Variants in BTBD9 observed in about 807,000 individuals in gnomAD.
BTBD9 encodes the protein BTB domain containing 9.
Under a neutral mutation model 64.3 loss-of-function variants are expected in BTBD9, and 49 were observed. That is an observed-to-expected ratio of 0.76 (90% confidence interval 0.61 to 0.97). BTBD9 has a LOEUF of 0.97. BTBD9 is among the 50% of genes least tolerant of loss of function. The probability of loss-of-function intolerance (pLI) is 0.00; values close to 1 mark genes in which losing one functional copy is unlikely to be tolerated. For missense variants in BTBD9, 598 were observed against 762.1 expected, an observed-to-expected ratio of 0.78 and a Z score of 2.53; for synonymous variants, 260 against 274.7, an observed-to-expected ratio of 0.95 and a Z score of 0.53.
intron 6 of BTBD9, among the ~76,000 whole-genome samples, chr6:38,490,057 A>G (rs1350163139): frequency 1.3e-5 from 2 of 152,182 alleles, no homozygotes; most frequent in Non-Finnish European, 1.5e-5. Context: ...CTAATGACCT[A>G]TTAGTTTCTA....
chr6:38,297,910 G>A (rs1021769498), intron 7 of BTBD9, among the ~76,000 whole-genome samples: 5 of 148,722 alleles, frequency 3.4e-5, no homozygotes, highest in Admixed American at 1.4e-4. Context: ...GTGCTATCTC[G>A]GCTCACTGCA....
At chr6:38,360,842 A>G (rs1485239758) in intron 6 of BTBD9, among the ~76,000 whole-genome samples, 2 of 152,152 alleles carry the variant, frequency 1.3e-5, no homozygotes, top group Admixed American at 1.3e-4. Context: ...CTAGAGGGAG[A>G]CTGTAGAGTC....
intron 6 of BTBD9, among the ~76,000 whole-genome samples, chr6:38,461,073 C>G (rs976823624): frequency 6.6e-6 from 1 of 152,204 alleles, no homozygotes; most frequent in African/African-American, 2.4e-5. Context: ...CTCTGTTTAC[C>G]CTCTTGGGGT....
intron 6 of BTBD9, among the ~76,000 whole-genome samples, chr6:38,352,529 A>T (rs1052960680): frequency 2.6e-5 from 4 of 152,250 alleles, no homozygotes; most frequent in Non-Finnish European, 5.9e-5. Context: ...GAATTGACAG[A>T]ACTGAATCAA....
chr6:38,275,012 G>A (rs1765330919), intron 8 of BTBD9, among the ~76,000 whole-genome samples: 2 of 152,012 alleles, frequency 1.3e-5, no homozygotes, highest in Non-Finnish European at 2.9e-5. Flanking sequence ...AAGTTCATAT[G>A]GAACCAAAAA....
intron 1 of BTBD9, among the ~76,000 whole-genome samples, chr6:38,627,520 C>A (rs1345934045): frequency 6.6e-6 from 1 of 152,120 alleles, no homozygotes; most frequent in Admixed American, 6.5e-5. Flanking sequence ...AGAATGGACA[C>A]TCCATTAAGG....
At chr6:38,219,546 A>G (rs1312742361) in intron 9 of BTBD9, among the ~76,000 whole-genome samples, 2 of 152,080 alleles carry the variant, frequency 1.3e-5, no homozygotes, top group Non-Finnish European at 2.9e-5. Flanking sequence ...AAACTGTTCC[A>G]TTACGTCATA....
At chr6:38,328,636 A>T (rs554609320) in intron 7 of BTBD9, among the ~76,000 whole-genome samples, 1 of 145,516 alleles carries the variant, frequency 6.9e-6, no homozygotes, top group South Asian at 2.3e-4. Flanking sequence ...TAGCAAATTC[A>T]TACATGCAAT....
chr6:38,207,180 T>C (rs1459989708), intron 9 of BTBD9: 1 of 175,920 alleles, frequency 5.7e-6, no homozygotes, highest in East Asian at 1.7e-4. Context: ...ATCCTTATAA[T>C]GAAGGACTAT....
intron 9 of BTBD9, among the ~76,000 whole-genome samples, chr6:38,205,986 G>A (rs189146037): frequency 4.8e-4 from 73 of 151,506 alleles, no homozygotes; most frequent in African/African-American, 1.7e-3. Context: ...TGGGATGGGA[G>A]ATCCCAGGAT....
At chr6:38,443,083 T>C (rs1769113910) in intron 6 of BTBD9, among the ~76,000 whole-genome samples, 1 of 152,220 alleles carries the variant, frequency 6.6e-6, no homozygotes, top group Non-Finnish European at 1.5e-5. Context: ...AAGTATTGAC[T>C]TGGCAGGCAA....
At chr6:38,303,874 T>TATATACATAC (rs368257334) in intron 7 of BTBD9, among the ~76,000 whole-genome samples, 2 of 82,650 alleles carry the variant, frequency 2.4e-5, no homozygotes, top group Non-Finnish European at 4.7e-5. Context: ...TATATATATA[T>TATATACATAC]ACACACACAC....
At position 38,448,800 on chromosome 6, in the gene BTBD9, G is replaced by A. The variant is rs1448633207; in HGVS notation, c.1155-103707C>T. 2.6e-5 allele frequency among the ~76,000 whole-genome samples: 4 copies of A among 152,158 alleles called. No homozygotes were observed. The East Asian group carries it at 7.7e-4, about 29-fold the overall frequency. On this transcript the variant is annotated intron_variant, in intron 6 of 10. Transcript: ENST00000481247. ...CCCAAAGTGCTGGGATTACAGGCATGAGCCACCGCACCCGGCCCCTTGCTG... is the reference window on the plus strand; with the variant it reads ...CCCAAAGTGCTGGGATTACAGGCATAAGCCACCGCACCCGGCCCCTTGCTG...
intron 7 of BTBD9, among the ~76,000 whole-genome samples, chr6:38,336,252 T>C (rs1301220184): frequency 6.6e-6 from 1 of 152,170 alleles, no homozygotes; most frequent in East Asian, 1.9e-4. Flanking sequence ...CTGACCATTT[T>C]GTGTGAATCT....
chr6:38,374,312 T>TATATATAC (rs1765585634), intron 6 of BTBD9, among the ~76,000 whole-genome samples: 2 of 117,236 alleles, frequency 1.7e-5, no homozygotes, highest in African/African-American at 3.5e-5. Context: ...TATATGTATA[T>TATATATAC]ATATATATAT....
At chr6:38,329,825 C>T (rs1398878477) in intron 7 of BTBD9, among the ~76,000 whole-genome samples, 3 of 151,858 alleles carry the variant, frequency 2.0e-5, no homozygotes, top group Non-Finnish European at 2.9e-5. Context: ...TGATGGCGGG[C>T]GCCTGTAATC....
chr6:38,502,328 AT>A (rs1238533118), intron 6 of BTBD9, among the ~76,000 whole-genome samples: 4 of 152,166 alleles, frequency 2.6e-5, no homozygotes, highest in East Asian at 1.9e-4. Context: ...ATATGAGTAC[AT>A]TTTTTTTCCA....
At chr6:38,538,962 G>T (rs1774147732) in intron 6 of BTBD9, among the ~76,000 whole-genome samples, 2 of 151,972 alleles carry the variant, frequency 1.3e-5, no homozygotes, top group South Asian at 2.1e-4. Flanking sequence ...TTTGATGCAG[G>T]GGACAGGAGG....
intron 6 of BTBD9, among the ~76,000 whole-genome samples, chr6:38,350,748 C>T (rs753624808): frequency 1.3e-4 from 20 of 152,106 alleles, no homozygotes; most frequent in African/African-American, 3.6e-4. Context: ...GAGGACTCTG[C>T]GGAGAACATT....
Sources: allele counts gnomAD v4.1 joint callset (sites outside exome capture counted in the v4.1 genomes callset), GRCh38; gene constraint gnomAD v4.1.1; transcripts MANE v1.5; gene names NCBI Gene and HGNC (gene_info 2026-07-23, HGNC 2026-07-21).